The following PI4K2B variants were observed in gnomAD, a reference collection of about 807,000 sequenced individuals.
The protein encoded by PI4K2B is phosphatidylinositol 4-kinase type 2-beta.
In PI4K2B, 46 loss-of-function variants were observed where a neutral mutation model predicts 56.6. The ratio of observed to expected loss-of-function variants is 0.81; its 90% CI spans 0.64 to 1.04. PI4K2B has a LOEUF of 1.04. PI4K2B is among the 50% of genes least tolerant of loss of function. The probability of loss-of-function intolerance (pLI) is 0.00; values close to 1 mark genes in which losing one functional copy is unlikely to be tolerated. For missense variants in PI4K2B, 556 were observed against 607.7 expected, an observed-to-expected ratio of 0.91 and a Z score of 0.89; for synonymous variants, 211 against 223.8, an observed-to-expected ratio of 0.94 and a Z score of 0.51.
intron 6 of PI4K2B, among the ~76,000 whole-genome samples, chr4:25,263,104 C>T (rs1011694084): frequency 2.6e-5 from 4 of 152,172 alleles, no homozygotes; most frequent in Admixed American, 6.5e-5. Flanking sequence ...CTCACTGTCA[C>T]GAGAACAGCA....
chr4:25,239,559 A>G (rs1443176839), intron 1 of PI4K2B, among the ~76,000 whole-genome samples: 2 of 60,086 alleles, frequency 3.3e-5, no homozygotes, highest in Admixed American at 3.8e-4. Context: ...CCCACCCGGA[A>G]CTCGCGCTGG....
At chr4:25,264,228 A>G (rs1215352632) in intron 7 of PI4K2B, among the ~76,000 whole-genome samples, 1 of 152,184 alleles carries the variant, frequency 6.6e-6, no homozygotes, top group African/African-American at 2.4e-5. Flanking sequence ...ATTTTTAGGG[A>G]GTAGTGCTTT....
At chr4:25,259,537 G>A (rs1469469861) in intron 5 of PI4K2B, among the ~76,000 whole-genome samples, 1 of 152,084 alleles carries the variant, frequency 6.6e-6, no homozygotes, top group Non-Finnish European at 1.5e-5. Flanking sequence ...GTAACTCTTA[G>A]TGTAGTCTAT....
intron 1 of PI4K2B, among the ~76,000 whole-genome samples, chr4:25,241,609 C>T (rs1715529073): frequency 6.6e-6 from 1 of 152,168 alleles, no homozygotes. Flanking sequence ...ACCTAGTATG[C>T]CATTTACATC....
chr4:25,273,079 A>G lies in PI4K2B; in HGVS notation c.1272+3876A>G, dbSNP rs542170244. 5.9e-5 allele frequency among the ~76,000 whole-genome samples: 9 copies of G among 152,196 alleles called. No homozygotes were observed. The East Asian group carries it at 1.5e-3, about 26-fold the overall frequency. ...AGCCGTTAGTTTTACACATATATCAATGGCGTGCTCTAATTCTTCACATAA... is the reference window on the plus strand; with the variant it reads ...AGCCGTTAGTTTTACACATATATCAGTGGCGTGCTCTAATTCTTCACATAA... On this transcript the variant is annotated intron_variant, in intron 9 of 9. Transcript: ENST00000264864.
chr4:25,264,410 C>T (rs192444330), intron 7 of PI4K2B, among the ~76,000 whole-genome samples: 4 of 151,970 alleles, frequency 2.6e-5, no homozygotes, highest in Admixed American at 6.5e-5. Context: ...TCCCTCTGTG[C>T]GTATTGAGTA....
At chr4:25,271,461 T>C (rs945841230) in intron 9 of PI4K2B, among the ~76,000 whole-genome samples, 2 of 152,196 alleles carry the variant, frequency 1.3e-5, no homozygotes, top group African/African-American at 4.8e-5. Flanking sequence ...TGCAGAAGGC[T>C]GGGCTGGACA....
At chr4:25,251,042 G>A (rs1016531098) in intron 1 of PI4K2B, among the ~76,000 whole-genome samples, 3 of 152,226 alleles carry the variant, frequency 2.0e-5, no homozygotes, top group African/African-American at 7.2e-5. Flanking sequence ...GTTTTGGGTA[G>A]TGAAGTTTGA....
intron 1 of PI4K2B, among the ~76,000 whole-genome samples, chr4:25,246,938 T>C (rs1027577032): frequency 9.9e-5 from 15 of 152,220 alleles, no homozygotes; most frequent in Non-Finnish European, 2.9e-5. Flanking sequence ...CATGCCCACC[T>C]GGAACTTGCG....
At chr4:25,235,066 G>GA (rs1409733459) in intron 1 of PI4K2B, among the ~76,000 whole-genome samples, 1 of 152,190 alleles carries the variant, frequency 6.6e-6, no homozygotes, top group African/African-American at 2.4e-5. Flanking sequence ...AACCTCAGGC[G>GA]AAACAGGGCA....
At chr4:25,272,504 A>G (rs1268267937) in intron 9 of PI4K2B, among the ~76,000 whole-genome samples, 1 of 152,084 alleles carries the variant, frequency 6.6e-6, no homozygotes, top group Non-Finnish European at 1.5e-5. Flanking sequence ...TACTTTTTAA[A>G]AAAAAGTTGG....
At chr4:25,259,793 A>G (rs564059046) in intron 5 of PI4K2B, among the ~76,000 whole-genome samples, 3 of 152,344 alleles carry the variant, frequency 2.0e-5, no homozygotes, top group African/African-American at 7.2e-5. Flanking sequence ...CCTGGGCAGC[A>G]TGCGGCCTGC....
chr4:25,237,690 A>G (rs567285178), intron 1 of PI4K2B, among the ~76,000 whole-genome samples: 1 of 152,266 alleles, frequency 6.6e-6, no homozygotes, highest in African/African-American at 2.4e-5. Flanking sequence ...GTATAGGGAG[A>G]GGCTGGGCAT....
At chr4:25,263,932 C>T (rs28491114) in intron 7 of PI4K2B, 83 bp downstream of exon 7, 14,559 of 624,060 alleles carry the variant, frequency 0.023, 241 homozygotes, top group African/African-American at 0.069. Context: ...GATACCATAG[C>T]GGAGGAAAAA....
chr4:25,277,370 A>G lies in PI4K2B; in HGVS notation c.*183A>G. ...TGTCCAAATATTAAATTTCTATTTCAGGGAAGAAGTGCTATATCTCCTATA... is the reference window on the plus strand; with the variant it reads ...TGTCCAAATATTAAATTTCTATTTCGGGGAAGAAGTGCTATATCTCCTATA... On this transcript the variant is annotated 3_prime_UTR_variant, in exon 10 of 10. Transcript: ENST00000264864. 3 of 583,368 alleles carry G rather than the reference A, an allele frequency of 5.1e-6. No individual in the cohort carries two copies. The highest frequency in any genetic ancestry group is 3.5e-5 in the Admixed American group (1 of 28,934). The allele number at this position is 583,368 out of a possible 1,614,324, so 36.1% of individuals were successfully genotyped here. A position where few individuals can be genotyped will look rare whatever the true frequency, so the allele number is the denominator to read the frequency against.
At chr4:25,241,680 G>C (rs1715532038) in intron 1 of PI4K2B, among the ~76,000 whole-genome samples, 1 of 152,198 alleles carries the variant, frequency 6.6e-6, no homozygotes, top group African/African-American at 2.4e-5. Context: ...CTGACACCAA[G>C]ACGGCCACTG....
intron 1 of PI4K2B, among the ~76,000 whole-genome samples, chr4:25,238,702 T>C (rs1715375980): frequency 1.3e-5 from 2 of 151,936 alleles, no homozygotes; most frequent in Non-Finnish European, 2.9e-5. Context: ...TCTCGCTGGC[T>C]TCAGGAGTGA....
intron 4 of PI4K2B, chr4:25,258,598 A>C: frequency 4.4e-6 from 1 of 228,604 alleles, no homozygotes; most frequent in Non-Finnish European, 7.2e-6. Context: ...AAAATTATTT[A>C]TTGTATTTTA....
chr4:25,248,359 GT>G (rs758956771), intron 1 of PI4K2B, among the ~76,000 whole-genome samples: 3 of 152,140 alleles, frequency 2.0e-5, no homozygotes, highest in Non-Finnish European at 4.4e-5. Context: ...AATTCTGTAA[GT>G]TCTGGGGTTA....
Sources: gnomAD v4.1 joint callset for allele counts (sites outside exome capture counted in the v4.1 genomes callset) on GRCh38, gnomAD v4.1.1 for gene constraint, MANE v1.5 for transcripts, NCBI Gene and HGNC (gene_info 2026-07-23, HGNC 2026-07-21) for gene names.